The following GFM1 variants were observed in gnomAD, a reference collection of about 807,000 sequenced individuals.
The protein encoded by GFM1 is G elongation factor mitochondrial 1.
A neutral mutation model predicts 96.2 loss-of-function variants in GFM1; 62 were observed. That is an observed-to-expected ratio of 0.64 (90% CI 0.53 to 0.80). The LOEUF (loss-of-function observed/expected upper bound fraction) is 0.80, where lower values mean the gene tolerates loss of function less well. GFM1 is among the 30% of genes least tolerant of loss of function. The pLI is 0.00. For synonymous variants in GFM1, 282 were observed against 312.9 expected, an observed-to-expected ratio of 0.90 and a Z score of 1.04; for missense variants, 852 against 916.6, an observed-to-expected ratio of 0.93 and a Z score of 0.91.
intron 13 of GFM1, among the ~76,000 whole-genome samples, chr3:158,681,350 A>G (rs1015582909): frequency 2.6e-5 from 4 of 152,222 alleles, no homozygotes; most frequent in African/African-American, 9.6e-5. Context: ...TATCTTTAGT[A>G]TATATGTAAA....
At chr3:158,650,008 CT>C (rs1722164887) in intron 5 of GFM1, 2 of 1,535,816 alleles carry the variant, frequency 1.3e-6, no homozygotes, top group Non-Finnish European at 1.7e-6. Context: ...TCCACAGGCA[CT>C]TCCTGAGGGA....
chr3:158,691,461 G>C lies in GFM1; in HGVS notation c.2250G>C (p.Lys750Asn), dbSNP rs1280571136. The C allele has an allele frequency of 1.2e-6, 2 of 1,613,466 alleles. No homozygotes were observed. The highest frequency in any genetic ancestry group is 3.3e-5 in the Admixed American group (2 of 59,976). Residue 750 changes from lysine to asparagine, a missense_variant, in exon 18 of 18, where the codon AAG becomes AAC. Coordinates refer to ENST00000486715, the MANE Select transcript of GFM1 (RefSeq NM_024996.7). ...TTCCTGTTAAAAAAGGAAAAGCCAA[G>C]AACTAACTTTGCTTACTGTGAGTTG... ...GQLPVKKGKA[K>N]N is the part of the protein sequence containing the mutation.
In GFM1 at chr3:158,691,832, A is replaced by G. The variant is rs1002529365; in HGVS notation, c.*365A>G. 5.5e-5 allele frequency: 11 copies of G among 199,684 alleles called. No individual in the cohort carries two copies. The highest frequency in any genetic ancestry group is 4.3e-4 in the Admixed American group (8 of 18,500). The allele number at this position is 199,684 out of a possible 1,614,324, so 12.4% of individuals were successfully genotyped here. ...ATTTTGTATCATAAGAGTTTTCAAC[A>G]TAGAGAAAAGCTGAAAAAATGCAAA... On this transcript the variant is annotated 3_prime_UTR_variant, in exon 18 of 18. Coordinates refer to ENST00000486715, the MANE Select transcript of GFM1 (RefSeq NM_024996.7).
At position 158,690,233 on chromosome 3, in the gene GFM1, T is replaced by G. The variant is rs764587281; in HGVS notation, c.1980T>G (p.Phe660Leu). Residue 660 changes from phenylalanine (F) to leucine (L), a missense_variant, in exon 16 of 18, where the codon TTT becomes TTG. By Grantham distance (22) the Phe-to-Leu change is conservative. Coordinates refer to ENST00000486715, the MANE Select transcript of GFM1 (RefSeq NM_024996.7). ...MAVEVVAPNE[F>L]QGQVIAGINR... is the part of the protein sequence containing the mutation. ...TGGAAGTTGTAGCTCCAAATGAATT[T>G]CAGGGACAAGTAATTGCAGGAATTA... The G allele has an allele frequency of 2.5e-6, 4 of 1,613,896 alleles. No individual in the cohort carries two copies. In the South Asian group the frequency reaches 4.4e-5, roughly 18 times the overall value.
Position 158,682,150 on chromosome 3 carries a change from T to C in GFM1, c.1757T>C (p.Val586Ala). The C allele has an allele frequency of 1.9e-6, 3 of 1,613,054 alleles. No homozygotes were observed. Among genetic ancestry groups the C allele is most frequent in the Non-Finnish European group, 2.5e-6 (3 of 1,179,376 alleles). Residue 586 changes from valine (V) to alanine (A), a missense_variant, in exon 14 of 18, where the codon GTA becomes GCA. By Grantham distance (64) the Val-to-Ala change is moderately conservative (BLOSUM62 0). Transcript: ENST00000486715. ...SNIPKQFVPAVEKGFLDACEK... is the reference protein window; with the variant it reads ...SNIPKQFVPAAEKGFLDACEK... ...ATTCCAAAGCAGTTTGTGCCTGCTG[T>C]AGAAAAGGTAAATTTTTAAAAAAGT...
chr3:158,673,555 A>G (rs145055184), intron 13 of GFM1, among the ~76,000 whole-genome samples: 343 of 121,180 alleles, frequency 2.8e-3, no homozygotes, highest in African/African-American at 0.011. Context: ...CTTGTTGCCT[A>G]GGCTGGAGTG....
At position 158,671,601 on chromosome 3, in the gene GFM1, A is replaced by G. The variant is rs182679909; in HGVS notation, c.1601+5215A>G. Among the ~76,000 whole-genome samples the G allele has an allele frequency of 2.5e-4, 38 of 152,350 alleles. No homozygotes were observed. The East Asian group carries it at 7.3e-3, about 29-fold the overall frequency. On this transcript the variant is annotated intron_variant, in intron 13 of 17. Transcript: ENST00000486715. ...TTGAAAATTTATACCTAATTCTGTT[A>G]TCTGGTACAGTTTCAAAATAAGATC...
At chr3:158,673,508 C>CTTTTTTTTTTTT (rs766011688) in intron 13 of GFM1, among the ~76,000 whole-genome samples, 5 of 114,258 alleles carry the variant, frequency 4.4e-5, no homozygotes, top group East Asian at 2.4e-4. Flanking sequence ...CTTTTCTTTT[C>CTTTTTTTTTTTT]TTTTTTTTTT....
At chr3:158,650,139 G>A (rs1722177677) in intron 5 of GFM1, 20 of 1,171,258 alleles carry the variant, frequency 1.7e-5, no homozygotes, top group South Asian at 5.2e-5. Context: ...AAAGGATGGA[G>A]TCTGTCCAGT....
chr3:158,683,321 A>G (rs1345371538), intron 14 of GFM1, among the ~76,000 whole-genome samples: 2 of 152,212 alleles, frequency 1.3e-5, no homozygotes, highest in African/African-American at 2.4e-5. Flanking sequence ...ATTTTGTGCT[A>G]TCTGCGCAGC....
intron 13 of GFM1, among the ~76,000 whole-genome samples, chr3:158,676,701 C>CTTTTTTTTTTTTTT (rs201525716): frequency 7.1e-6 from 1 of 140,376 alleles, no homozygotes. Context: ...TTTTCTTTTT[C>CTTTTTTTTTTTTTT]TTTTTTTTTT....
chr3:158,647,090 A>T, intron 4 of GFM1, 143 bp downstream of exon 4: 1 of 700,184 alleles, frequency 1.4e-6, no homozygotes, highest in Non-Finnish European at 2.5e-6. Context: ...AGTAAGTGGA[A>T]CACTGATTTT....
chr3:158,682,080 G>A lies in GFM1; in HGVS notation c.1687G>A (p.Asp563Asn). The part of the protein sequence containing the change: ...IGVLEPLDPE[D>N]YTKLEFSDET... ...TGTCCTGGAGCCTCTGGACCCAGAG[G>A]ACTACACTAAATTGGAATTTTCAGA... The change falls in exon 14 of 18, where the codon GAC becomes AAC. Residue 563 changes from aspartate to asparagine, a missense_variant. By Grantham distance (23) the Asp-to-Asn change is conservative. Coordinates refer to ENST00000486715, the MANE Select transcript of GFM1 (RefSeq NM_024996.7). The A allele has an allele frequency of 6.2e-7, 1 of 1,613,538 alleles. No individual in the cohort carries two copies. The highest frequency in any genetic ancestry group is 8.5e-7 in the Non-Finnish European group (1 of 1,179,638).
intron 13 of GFM1, among the ~76,000 whole-genome samples, chr3:158,678,523 G>T (rs1188192218): frequency 6.6e-6 from 1 of 152,214 alleles, no homozygotes; most frequent in Non-Finnish European, 1.5e-5. Context: ...AAGTAACAGT[G>T]AATGTATTGG....
intron 13 of GFM1, among the ~76,000 whole-genome samples, chr3:158,674,621 G>A (rs561942634): frequency 3.4e-4 from 51 of 152,124 alleles, no homozygotes; most frequent in Non-Finnish European, 6.9e-4. Context: ...ATTTGTCTAA[G>A]AGCATTTTAA....
intron 13 of GFM1, chr3:158,672,286 G>T: frequency 1.3e-6 from 2 of 1,592,638 alleles, no homozygotes; most frequent in Non-Finnish European, 1.7e-6. Flanking sequence ...GGCTGAGACC[G>T]CGGGTGAGTG....
At chr3:158,673,975 C>A (rs1463496092) in intron 13 of GFM1, among the ~76,000 whole-genome samples, 1 of 151,760 alleles carries the variant, frequency 6.6e-6, no homozygotes, top group African/African-American at 2.4e-5. Flanking sequence ...TAAATACCAT[C>A]TGTCTGCTTG....
intron 13 of GFM1, among the ~76,000 whole-genome samples, chr3:158,674,203 C>T (rs554167280): frequency 3.3e-5 from 5 of 151,822 alleles, no homozygotes; most frequent in South Asian, 2.1e-4. Context: ...GCCTCAGCCT[C>T]CCTAGTATCT....
intron 15 of GFM1, among the ~76,000 whole-genome samples, chr3:158,687,337 A>G (rs571424361): frequency 3.7e-4 from 57 of 152,042 alleles, no homozygotes; most frequent in African/African-American, 1.3e-3. Context: ...TACAAAATAT[A>G]CTATGCACAC....
Sources: gnomAD v4.1 joint callset for allele counts (sites outside exome capture counted in the v4.1 genomes callset) on GRCh38, gnomAD v4.1.1 for gene constraint, MANE v1.5 for transcripts, NCBI Gene and HGNC (gene_info 2026-07-23, HGNC 2026-07-21) for gene names.